ELMO1: variants seen among roughly 807,000 people sequenced by gnomAD.
ELMO1 encodes engulfment and cell motility protein 1.
A neutral mutation model predicts 98.9 loss-of-function variants in ELMO1; 26 were observed. The observed-to-expected ratio is 0.26, with a 90% CI of 0.19 to 0.36. ELMO1 has a LOEUF of 0.36. Among genes scored for constraint, ELMO1 ranks in the 10% least tolerant of loss-of-function variants. The pLI, the probability that ELMO1 is intolerant of heterozygous loss-of-function variation, is 1.00. For synonymous variants in ELMO1, 346 were observed against 346.0 expected, an observed-to-expected ratio of 1.00 and a Z score of 0.00; for missense variants, 627 against 935.2, an observed-to-expected ratio of 0.67 and a Z score of 4.30.
chr7:36,858,709 T>A (rs1370286191), intron 21 of ELMO1, among the ~76,000 whole-genome samples: 1 of 152,118 alleles, frequency 6.6e-6, no homozygotes, highest in Non-Finnish European at 1.5e-5. Context: ...GAGGGAGATC[T>A]GAGTACGAAA....
At chr7:37,252,955 G>T (rs953821679) in intron 6 of ELMO1, among the ~76,000 whole-genome samples, 1 of 152,026 alleles carries the variant, frequency 6.6e-6, no homozygotes, top group East Asian at 1.9e-4. Flanking sequence ...ACATTTATGC[G>T]GCCAACAAAC....
chr7:37,126,304 T>TATATAC (rs1786517172), intron 14 of ELMO1, among the ~76,000 whole-genome samples: 1 of 80,708 alleles, frequency 1.2e-5, no homozygotes, highest in Non-Finnish European at 2.2e-5. Context: ...AATTTAAATA[T>TATATAC]ATATATATAT....
At chr7:37,437,979 C>CAAAAAAAAAAAAAAAAAAA (rs57418239) in intron 1 of ELMO1, among the ~76,000 whole-genome samples, 5 of 18,056 alleles carry the variant, frequency 2.8e-4, no homozygotes, top group African/African-American at 6.0e-4. Context: ...GACTCCGTCT[C>CAAAAAAAAAAAAAAAAAAA]AAAAAAAAAA....
At chr7:37,359,491 C>T (rs1801616210) in intron 1 of ELMO1, among the ~76,000 whole-genome samples, 1 of 152,116 alleles carries the variant, frequency 6.6e-6, no homozygotes, top group African/African-American at 2.4e-5. Flanking sequence ...TATAACTTAC[C>T]CTGTGCCAGG....
intron 16 of ELMO1, among the ~76,000 whole-genome samples, chr7:36,930,011 TG>T (rs935368881): frequency 2.0e-5 from 3 of 152,210 alleles, no homozygotes; most frequent in African/African-American, 7.2e-5. Flanking sequence ...GAGATTATGT[TG>T]GTCATTAGGT....
At chr7:37,199,494 A>C (rs1288003872) in intron 13 of ELMO1, among the ~76,000 whole-genome samples, 1 of 152,182 alleles carries the variant, frequency 6.6e-6, no homozygotes, top group Non-Finnish European at 1.5e-5. Flanking sequence ...ACAATTATTC[A>C]TGCATCCCCT....
intron 11 of ELMO1, 25 bp downstream of exon 11, chr7:37,216,620 G>T (rs748266875): frequency 6.2e-7 from 1 of 1,613,502 alleles, no homozygotes; most frequent in Non-Finnish European, 8.5e-7. Flanking sequence ...CCCCCACAAA[G>T]AGGTCACAGC....
intron 6 of ELMO1, among the ~76,000 whole-genome samples, chr7:37,256,347 T>C (rs557944366): frequency 6.6e-6 from 1 of 152,226 alleles, no homozygotes; most frequent in East Asian, 1.9e-4. Context: ...CATGATGTTC[T>C]TCACATTCAG....
chr7:36,987,478 CTCTCTGCCCTATCG>C (rs1791595658), intron 16 of ELMO1, among the ~76,000 whole-genome samples: 1 of 152,154 alleles, frequency 6.6e-6, no homozygotes, highest in Non-Finnish European at 1.5e-5. Context: ...AAAAGAATTA[CTCTCTGCCCTATCG>C]TCATCTGCCT....
chr7:37,187,900 T>C (rs932854775), intron 13 of ELMO1, among the ~76,000 whole-genome samples: 17 of 152,184 alleles, frequency 1.1e-4, no homozygotes, highest in African/African-American at 4.1e-4. Flanking sequence ...AATATCCCAT[T>C]TCTAGAAATT....
chr7:37,042,775 GGCT>G (rs1304110773), intron 15 of ELMO1, among the ~76,000 whole-genome samples: 1 of 152,050 alleles, frequency 6.6e-6, no homozygotes, highest in Non-Finnish European at 1.5e-5. Context: ...AACTCCTCAT[GGCT>G]GCTTTCTTTG....
At chr7:37,140,162 T>G (rs375269150) in intron 13 of ELMO1, among the ~76,000 whole-genome samples, 2 of 149,796 alleles carry the variant, frequency 1.3e-5, no homozygotes, top group East Asian at 3.9e-4. Flanking sequence ...GATCACGAGG[T>G]CAGGAGAGCG....
At chr7:37,216,075 G>C (rs544022514) in intron 11 of ELMO1, among the ~76,000 whole-genome samples, 1 of 150,244 alleles carries the variant, frequency 6.7e-6, no homozygotes, top group African/African-American at 2.4e-5. Flanking sequence ...TAGCGGGTAA[G>C]GCCTCAGGAA....
intron 1 of ELMO1, among the ~76,000 whole-genome samples, chr7:37,361,734 G>A (rs561061035): frequency 3.3e-4 from 50 of 152,340 alleles, no homozygotes; most frequent in Admixed American, 2.0e-3. Flanking sequence ...CAAGGCCGGC[G>A]GATGGCTTGA....
chr7:37,333,014 G>T (rs1000391157), intron 2 of ELMO1, among the ~76,000 whole-genome samples: 14 of 152,188 alleles, frequency 9.2e-5, no homozygotes, highest in Admixed American at 2.6e-4. Context: ...TATTTGAGGG[G>T]CTATGGAGAT....
chr7:36,857,340 T>A (rs1398602985), intron 21 of ELMO1, among the ~76,000 whole-genome samples: 1 of 152,108 alleles, frequency 6.6e-6, no homozygotes, highest in East Asian at 1.9e-4. Flanking sequence ...ATCCTGATCA[T>A]GTAGATCTAG....
At chr7:36,907,372 G>A (rs1313181785) in intron 16 of ELMO1, among the ~76,000 whole-genome samples, 1 of 152,174 alleles carries the variant, frequency 6.6e-6, no homozygotes, top group Non-Finnish European at 1.5e-5. Flanking sequence ...GGTTATTACA[G>A]TGTCCCAGGG....
At chr7:37,344,243 G>A (rs1800877234) in intron 1 of ELMO1, among the ~76,000 whole-genome samples, 1 of 152,034 alleles carries the variant, frequency 6.6e-6, no homozygotes, top group Non-Finnish European at 1.5e-5. Flanking sequence ...TGTTGGCCAG[G>A]CTGGTCTTGA....
At chr7:36,875,533 G>A (rs1021088055) in intron 19 of ELMO1, among the ~76,000 whole-genome samples, 31 of 152,192 alleles carry the variant, frequency 2.0e-4, no homozygotes, top group African/African-American at 6.5e-4. Context: ...TCAGAGGAAA[G>A]CAGTTGCTAA....
Sources: gnomAD v4.1 joint callset for allele counts (sites outside exome capture counted in the v4.1 genomes callset) on GRCh38, gnomAD v4.1.1 for gene constraint, MANE v1.5 for transcripts, NCBI Gene and HGNC (gene_info 2026-07-23, HGNC 2026-07-21) for gene names.